Variants in IPO11 observed in about 807,000 individuals in gnomAD.
IPO11 encodes importin-11.
In IPO11, 66 loss-of-function variants were observed where a neutral mutation model predicts 143.2. The observed-to-expected ratio is 0.46, with a 90% CI of 0.38 to 0.57. The LOEUF (loss-of-function observed/expected upper bound fraction) is 0.57, where lower values mean the gene tolerates loss of function less well. IPO11 is among the 20% of genes least tolerant of loss of function. The pLI, the probability that IPO11 is intolerant of heterozygous loss-of-function variation, is 0.00. For missense variants in IPO11, 1,026 were observed against 1,141.0 expected, an observed-to-expected ratio of 0.90 and a Z score of 1.45; for synonymous variants, 385 against 377.8, an observed-to-expected ratio of 1.02 and a Z score of -0.22.
intron 5 of IPO11, among the ~76,000 whole-genome samples, chr5:62,466,581 TTAAC>T (rs1399086981): frequency 1.3e-5 from 2 of 152,290 alleles, no homozygotes; most frequent in African/African-American, 4.8e-5. Context: ...GAGGCAGAGA[TTAAC>T]TACATTCTTA....
At chr5:62,535,010 A>C (rs1388649444) in intron 22 of IPO11, among the ~76,000 whole-genome samples, 1 of 116,982 alleles carries the variant, frequency 8.5e-6, no homozygotes, top group Non-Finnish European at 1.8e-5. Flanking sequence ...GGCTATGTAT[A>C]ATATTAATAT....
At chr5:62,426,653 T>A (rs918295191) in intron 1 of IPO11, among the ~76,000 whole-genome samples, 5 of 152,050 alleles carry the variant, frequency 3.3e-5, no homozygotes, top group Non-Finnish European at 7.4e-5. Context: ...CCTTAAAAAA[T>A]GTATTTTTTC....
At chr5:62,451,295 G>C (rs1465894439) in intron 4 of IPO11, among the ~76,000 whole-genome samples, 1 of 151,990 alleles carries the variant, frequency 6.6e-6, no homozygotes, top group African/African-American at 2.4e-5. Flanking sequence ...AAAAATATTC[G>C]TGTAAAAAAT....
chr5:62,479,077 C>T (rs1746080571), intron 9 of IPO11, among the ~76,000 whole-genome samples: 1 of 152,120 alleles, frequency 6.6e-6, no homozygotes, highest in African/African-American at 2.4e-5. Flanking sequence ...CTAATGCTAT[C>T]CCTCCCCCAT....
intron 2 of IPO11, among the ~76,000 whole-genome samples, chr5:62,440,066 A>G (rs1376172275): frequency 6.6e-5 from 10 of 152,180 alleles, no homozygotes; most frequent in Non-Finnish European, 2.9e-5. Context: ...CTCAATAGAA[A>G]GTTAGGAAGT....
At chr5:62,591,718 T>C in intron 28 of IPO11, 46 bp downstream of exon 28, 1 of 1,235,266 alleles carries the variant, frequency 8.1e-7, no homozygotes, top group Non-Finnish European at 1.2e-6. Context: ...GGGGGATAAT[T>C]AAATACATGC....
At chr5:62,601,351 T>C (rs1745499543) in intron 28 of IPO11, 1 of 153,410 alleles carries the variant, frequency 6.5e-6, no homozygotes, top group Non-Finnish European at 1.5e-5. Context: ...AATTAATATG[T>C]TTGTGATATT....
intron 3 of IPO11, among the ~76,000 whole-genome samples, chr5:62,447,101 A>T (rs1443487144): frequency 1.3e-5 from 2 of 149,154 alleles, no homozygotes; most frequent in African/African-American, 5.1e-5. Flanking sequence ...GTTCATAATT[A>T]TATATATATA....
chr5:62,532,796 A>G (rs1267533421), intron 22 of IPO11, among the ~76,000 whole-genome samples: 1 of 152,236 alleles, frequency 6.6e-6, no homozygotes, highest in East Asian at 1.9e-4. Flanking sequence ...GTTTAGTACT[A>G]TTACTGTCAC....
intron 19 of IPO11, among the ~76,000 whole-genome samples, chr5:62,513,895 G>T (rs1355882208): frequency 1.3e-5 from 2 of 149,054 alleles, no homozygotes; most frequent in East Asian, 2.0e-4. Context: ...GGGCAGAGAC[G>T]CTCCTCACCT....
Position 62,455,365 on chromosome 5 carries a change from C to G in IPO11, c.516+3432C>G, listed in dbSNP as rs564058356. Among the ~76,000 whole-genome samples, 9 of 151,842 alleles carry G rather than the reference C, an allele frequency of 5.9e-5. 1 individual carries two copies. The South Asian group carries it at 1.7e-3, about 28-fold the overall frequency. On this transcript the variant is annotated intron_variant, in intron 5 of 29. Transcript: ENST00000325324. ...TGAAACCCTGTCTGTACTAAAAATA[C>G]AAAAAAAATTAGCTGGGCATGGTGG...
intron 26 of IPO11, among the ~76,000 whole-genome samples, chr5:62,556,044 A>G (rs988238671): frequency 1.3e-5 from 2 of 152,188 alleles, no homozygotes; most frequent in African/African-American, 4.8e-5. Flanking sequence ...TCCAAATGCA[A>G]TCCAGTGTGA....
At position 62,504,395 on chromosome 5, in the gene IPO11, T is replaced by G. The variant is rs532817072; in HGVS notation, c.1591-272T>G. Among the ~76,000 whole-genome samples, 26 of 152,296 alleles carry G rather than the reference T, an allele frequency of 1.7e-4. 2 individuals carry two copies. The highest frequency in any genetic ancestry group is 2.6e-4 in the Non-Finnish European group (18 of 68,026). ...TCTCCACATACTTTACTGCAAATTA[T>G]TTTCCTTCCTGGAAGGACCCACTGG... On this transcript the variant is annotated intron_variant, in intron 16 of 29. Coordinates refer to ENST00000325324, the MANE Select transcript of IPO11 (RefSeq NM_016338.5).
chr5:62,478,023 T>C (rs1440162594), intron 9 of IPO11, among the ~76,000 whole-genome samples: 9 of 152,210 alleles, frequency 5.9e-5, no homozygotes, highest in African/African-American at 2.2e-4. Context: ...TATCAACATA[T>C]GGCCACAGTC....
chr5:62,573,023 T>C (rs1156622135), intron 27 of IPO11, among the ~76,000 whole-genome samples: 1 of 152,082 alleles, frequency 6.6e-6, no homozygotes, highest in African/African-American at 2.4e-5. Context: ...TATGGAAATG[T>C]GGTAGTATCT....
intron 29 of IPO11, among the ~76,000 whole-genome samples, chr5:62,614,065 G>A (rs1746032622): frequency 1.3e-5 from 2 of 152,284 alleles, no homozygotes; most frequent in Admixed American, 6.5e-5. Context: ...TTTCGCATGT[G>A]CATTGTGTGT....
At chr5:62,551,993 G>A (rs1743403650) in intron 26 of IPO11, among the ~76,000 whole-genome samples, 1 of 152,000 alleles carries the variant, frequency 6.6e-6, no homozygotes, top group Non-Finnish European at 1.5e-5. Context: ...GCGCGGTTGC[G>A]GGCACCTGTA....
intron 13 of IPO11, among the ~76,000 whole-genome samples, 184 bp downstream of exon 13, chr5:62,488,045 A>G (rs1166284637): frequency 2.0e-5 from 3 of 152,224 alleles, no homozygotes; most frequent in Non-Finnish European, 4.4e-5. Context: ...GCCTTGAATT[A>G]TAGTTTGGAC....
At chr5:62,514,585 AGGAGAGGGAGAGGGAGACG>A (rs1561343880) in intron 19 of IPO11, among the ~76,000 whole-genome samples, 22 of 117,238 alleles carry the variant, frequency 1.9e-4, no homozygotes, top group South Asian at 9.4e-4. Context: ...GACCGTGGAA[AGGAGAGGGAGAGGGAGACG>A]GGAGAGGGAG....
Sources: allele counts gnomAD v4.1 joint callset (sites outside exome capture counted in the v4.1 genomes callset), GRCh38; gene constraint gnomAD v4.1.1; transcripts MANE v1.5; gene names NCBI Gene and HGNC (gene_info 2026-07-23, HGNC 2026-07-21).